The following CCL25 variants were observed in gnomAD, a reference collection of about 807,000 sequenced individuals.
CCL25 encodes C-C motif chemokine ligand 25, also known as C-C motif chemokine 25.
Under a neutral mutation model 19.9 loss-of-function variants are expected in CCL25, and 14 were observed. That is an observed-to-expected ratio of 0.70 (90% confidence interval 0.47 to 1.10). The LOEUF is 1.10. Ranked by LOEUF, CCL25 falls within the 50% of genes least tolerant of loss-of-function variation. The probability of loss-of-function intolerance (pLI) is 0.00; values close to 1 mark genes in which losing one functional copy is unlikely to be tolerated. For missense variants in CCL25, 151 were observed against 181.2 expected (o/e 0.83, Z 0.96); for synonymous variants, 68 against 73.2 (o/e 0.93, Z 0.36).
chr19:8,058,563 AATAATAT>A (rs1292362092), intron 5 of CCL25, among the ~76,000 whole-genome samples: 1 of 116,076 alleles, frequency 8.6e-6, no homozygotes, highest in Admixed American at 1.1e-4. Context: ...AATATATAAA[AATAATAT>A]ATAATATATA....
In CCL25 at chr19:8,052,999, G is replaced by C; in HGVS notation, c.-50-1G>C. On this transcript the variant is annotated splice_acceptor_variant, in intron 1 of 5. Transcript: ENST00000315626. LOFTEE classifies it low-confidence loss of function (5UTR_SPLICE). ...CTTACCACTTCCCTCCACGACCCCA[G>C]GTGGCCCCGTTATTCGTCCAGGTGC... is the stretch of plus-strand genomic sequence containing the variant. The C allele has an allele frequency of 1.5e-6, 2 of 1,356,942 alleles. No homozygotes were observed. Among genetic ancestry groups the C allele is most frequent in the Non-Finnish European group, 2.0e-6 (2 of 977,912 alleles). 84.1% of individuals were successfully genotyped at this position (1,356,942 alleles called of 1,614,324 possible).
In CCL25 at chr19:8,057,820, G is replaced by A. The variant is rs1235569321; in HGVS notation, c.345G>A (p.Lys115=). ...QTFQAGPHAV[K]KLSSGNSKLS... Reference sequence around the variant, plus strand: ...CTCCAGCAGGCCCTCATGCTGTAAAGAAGTTGAGTTCTGGAAACTCCAAGT... The same window carrying A: ...CTCCAGCAGGCCCTCATGCTGTAAAAAAGTTGAGTTCTGGAAACTCCAAGT... Residue 115 remains lysine, a synonymous_variant, in exon 5 of 6, where the codon AAG becomes AAA. Transcript: ENST00000315626. The A allele has an allele frequency of 9.9e-6, 16 of 1,613,000 alleles. No homozygotes were observed. Among genetic ancestry groups the A allele is most frequent in the Non-Finnish European group, 1.4e-5 (16 of 1,179,346 alleles).
At chr19:8,052,875 A>T in intron 1 of CCL25, 53 bp downstream of exon 1, 1 of 538,366 alleles carries the variant, frequency 1.9e-6, no homozygotes, top group Non-Finnish European at 3.3e-6. Flanking sequence ...CCTCCAGCAC[A>T]ACTTGTTCCT....
chr19:8,058,610 TA>T (rs2081292344), intron 5 of CCL25, among the ~76,000 whole-genome samples: 1 of 130,582 alleles, frequency 7.7e-6, no homozygotes, highest in African/African-American at 2.9e-5. Flanking sequence ...ATATATAATA[TA>T]AAGTATATAT....
intron 2 of CCL25, 86 bp downstream of exon 2, chr19:8,053,208 G>C (rs574720206): frequency 3.6e-5 from 29 of 810,444 alleles, no homozygotes; most frequent in Middle Eastern, 2.4e-4. Context: ...TCCTCCGGAA[G>C]TCTCCCCAAT....
Position 8,062,575 on chromosome 19 carries a change from G to C in CCL25, c.*350G>C. 1 of 315,576 alleles carries C rather than the reference G, an allele frequency of 3.2e-6. No individual in the cohort carries two copies. Among genetic ancestry groups the C allele is most frequent in the Non-Finnish European group, 5.9e-6 (1 of 170,704 alleles). The allele number at this position is 315,576 out of a possible 1,614,324, so 19.5% of individuals were successfully genotyped here. A position where few individuals can be genotyped will look rare whatever the true frequency, so the allele number is the denominator to read the frequency against. ...TCCCTCTGGGTCCCTCCAAAACTCTGGTCAGTTCAAGGATGCCCCTCCCAG... is the reference window on the plus strand; with the variant it reads ...TCCCTCTGGGTCCCTCCAAAACTCTCGTCAGTTCAAGGATGCCCCTCCCAG... On this transcript the variant is annotated 3_prime_UTR_variant, in exon 6 of 6. Coordinates refer to ENST00000315626, the MANE Select transcript of CCL25 (RefSeq NM_005624.4).
chr19:8,052,455 T>C, upstream of CCL25, among the ~76,000 whole-genome samples: 1 of 151,208 alleles, frequency 6.6e-6, no homozygotes, highest in Non-Finnish European at 1.5e-5. Context: ...GGTAAGGGCT[T>C]GTTTGGGGGC....
At chr19:8,059,160 A>ATAT (rs2081300729) in intron 5 of CCL25, among the ~76,000 whole-genome samples, 1 of 33,286 alleles carries the variant, frequency 3.0e-5, no homozygotes, top group African/African-American at 1.5e-4. Flanking sequence ...TAATATATAT[A>ATAT]ATATATAATA....
intron 5 of CCL25, among the ~76,000 whole-genome samples, chr19:8,060,221 GT>G (rs1298184773): frequency 1.6e-4 from 24 of 151,762 alleles, no homozygotes; most frequent in Non-Finnish European, 2.9e-4. Flanking sequence ...TGCACCTGTA[GT>G]TTCAGCTGCT....
chr19:8,055,614 A>C lies in CCL25; in HGVS notation c.74-538A>C, dbSNP rs62124688. 5.3e-5 allele frequency among the ~76,000 whole-genome samples: 8 copies of C among 151,836 alleles called. No homozygotes were observed. The South Asian group carries it at 1.7e-3, about 32-fold the overall frequency. On this transcript the variant is annotated intron_variant, in intron 2 of 5. Coordinates refer to ENST00000315626, the MANE Select transcript of CCL25 (RefSeq NM_005624.4). ...CTCCCAAAGTGCTGGGATTAAAGGC[A>C]TGAGCCACCGCGCCCGGCCTAATTT...
chr19:8,062,127 C>T (rs902129001), intron 5 of CCL25, 91 bp from the exon 6 acceptor site: 11 of 1,226,498 alleles, frequency 9.0e-6, no homozygotes, highest in East Asian at 7.1e-5. Flanking sequence ...GTTTTAGGAG[C>T]TGTAGGGACT....
At position 8,053,101 on chromosome 19, in the gene CCL25, G is replaced by A; in HGVS notation, c.52G>A (p.Ala18Thr). The A allele has an allele frequency of 1.3e-6, 2 of 1,556,480 alleles. No homozygotes were observed. Among genetic ancestry groups the A allele is most frequent in the Non-Finnish European group, 1.7e-6 (2 of 1,149,848 alleles). Residue 18 changes from alanine (A) to threonine (T), a missense_variant, in exon 2 of 6, where the codon GCC becomes ACC. Coordinates refer to ENST00000315626, the MANE Select transcript of CCL25 (RefSeq NM_005624.4). Reference sequence around the variant, plus strand: ...GGTGGCCGGCTTCCTGGGAGCCTGGGCCCCCGCTGTCCACACCCAAGGTAC... The same window carrying A: ...GGTGGCCGGCTTCCTGGGAGCCTGGACCCCCGCTGTCCACACCCAAGGTAC... ...CLVAGFLGAW[A>T]PAVHTQGVFE...
intron 2 of CCL25, among the ~76,000 whole-genome samples, chr19:8,055,451 T>G (rs2081263616): frequency 6.6e-6 from 1 of 150,662 alleles, no homozygotes. Flanking sequence ...TTCTCCTGCC[T>G]CAGCCTCCCG....
rs775894791 is a variant in CCL25 at position 8,056,520 on chromosome 19, G to A, written c.325+21G>A. The A allele has an allele frequency of 5.6e-6, 9 of 1,613,382 alleles. No individual in the cohort carries two copies. The African/African-American group carries it at 1.2e-4, about 22-fold the overall frequency. On this transcript the variant is annotated intron_variant, in intron 4 of 5. Transcript: ENST00000315626. ...CCAAGGTGGGCAAGACCTCTGCTGGGCATCTAGGGGGCCTGCCCTCCCTGC... is the reference window on the plus strand; with the variant it reads ...CCAAGGTGGGCAAGACCTCTGCTGGACATCTAGGGGGCCTGCCCTCCCTGC...
intron 4 of CCL25, 50 bp downstream of exon 4, chr19:8,056,549 C>T: frequency 1.2e-6 from 2 of 1,607,074 alleles, no homozygotes; most frequent in Non-Finnish European, 1.7e-6. Flanking sequence ...TCCCTGCCTG[C>T]AAGCCCATGT....
At chr19:8,058,039 G>GT in intron 5 of CCL25, 119 bp downstream of exon 5, 8 of 1,460,584 alleles carry the variant, frequency 5.5e-6, no homozygotes, top group Non-Finnish European at 7.3e-6. Context: ...AGAGGTGGTT[G>GT]TGCGGTCAGT....
At position 8,055,049 on chromosome 19, in the gene CCL25, G is replaced by T. The variant is rs1449308337; in HGVS notation, c.74-1103G>T. Among the ~76,000 whole-genome samples the T allele has an allele frequency of 6.6e-5, 10 of 151,370 alleles. No individual in the cohort carries two copies. The East Asian group carries it at 2.0e-3, about 31-fold the overall frequency. On this transcript the variant is annotated intron_variant, in intron 2 of 5. Coordinates refer to ENST00000315626, the MANE Select transcript of CCL25 (RefSeq NM_005624.4). ...CTCACGCCTGTAATCCCAGCACTTT[G>T]AGAGGCCAAGGCGGGTGGATCACAA...
At position 8,056,574 on chromosome 19, in the gene CCL25, G is replaced by A. The variant is rs11575009; in HGVS notation, c.325+75G>A. On this transcript the variant is annotated intron_variant, in intron 4 of 5. Transcript: ENST00000315626. ...CAAGCCCATGTGTGGTTCAGACCCC[G>A]AGGGAGGGAATTGGAGACCAGAATA... 15,631 of 1,553,218 alleles carry A rather than the reference G, an allele frequency of 0.01. 1,286 individuals are homozygous for A. The African/African-American group carries it at 0.18, about 18-fold the overall frequency.
chr19:8,056,302 G>GGGGGGGGGGGGGGGCCCCCCC, intron 3 of CCL25, 33 bp downstream of exon 3: 1 of 593,392 alleles, frequency 1.7e-6, no homozygotes. Flanking sequence ...GGGGGGTGGG[G>GGGGGGGGGGGGGGGCCCCCCC]TGCACACACA....
Sources: allele counts gnomAD v4.1 joint callset (sites outside exome capture counted in the v4.1 genomes callset), GRCh38; gene constraint gnomAD v4.1.1; transcripts MANE v1.5; gene names NCBI Gene and HGNC (gene_info 2026-07-23, HGNC 2026-07-21).